OPHN1: variants seen among roughly 807,000 people sequenced by gnomAD.
OPHN1 encodes oligophrenin 1, also known as oligophrenin-1.
A neutral mutation model predicts 60.7 loss-of-function variants in OPHN1; 11 were observed. The observed-to-expected ratio is 0.18, with a 90% confidence interval of 0.11 to 0.30. The LOEUF (loss-of-function observed/expected upper bound fraction) is 0.30. OPHN1 is among the 10% of genes least tolerant of loss of function. OPHN1 has a pLI of 1.00. For missense variants in OPHN1, 449 were observed against 611.0 expected (o/e 0.73, Z 2.80); for synonymous variants, 226 against 222.6 (o/e 1.02, Z -0.14).
At chrX:68,259,423 C>G (rs914517239) in intron 5 of OPHN1, among the ~76,000 whole-genome samples, 2 of 110,500 alleles carry the variant, frequency 1.8e-5, no homozygotes, top group Admixed American at 1.9e-4. Context: ...TGTACTCCAC[C>G]CTGGGCAACA....
intron 2 of OPHN1, among the ~76,000 whole-genome samples, chrX:68,390,248 T>G (rs1323271652): frequency 9.0e-6 from 1 of 111,357 alleles, no homozygotes; most frequent in East Asian, 2.8e-4. Flanking sequence ...CGTAAAGCAC[T>G]TAAACGATTA....
At chrX:68,380,080 TATTGATA>T (rs1380295831) in intron 2 of OPHN1, among the ~76,000 whole-genome samples, 2 of 111,741 alleles carry the variant, frequency 1.8e-5, no homozygotes, top group Admixed American at 1.9e-4. Flanking sequence ...GTTGGTAAGC[TATTGATA>T]ATTGCCACAA....
intron 5 of OPHN1, among the ~76,000 whole-genome samples, chrX:68,260,270 C>T (rs1258635248): frequency 9.1e-6 from 1 of 109,831 alleles, no homozygotes; most frequent in African/African-American, 3.3e-5. Context: ...GGTAATCTTT[C>T]GTGACTGTTT....
chrX:68,249,548 C>T (rs910464220), intron 5 of OPHN1, among the ~76,000 whole-genome samples: 1 of 111,923 alleles, frequency 8.9e-6, no homozygotes, highest in African/African-American at 3.2e-5. Context: ...AAAACATTGG[C>T]TCTGGATCAG....
At chrX:68,290,202 A>T (rs377223325) in intron 3 of OPHN1, among the ~76,000 whole-genome samples, 3 of 111,677 alleles carry the variant, frequency 2.7e-5, no homozygotes, top group African/African-American at 9.8e-5. Context: ...GCTCATGCCT[A>T]TAATCCCTTC....
chrX:68,261,689 T>C (rs189464889), intron 5 of OPHN1, among the ~76,000 whole-genome samples: 1 of 110,200 alleles, frequency 9.1e-6, no homozygotes, highest in African/African-American at 3.3e-5. Context: ...AGAGAAGAAA[T>C]TAGGAAAAAG....
chrX:68,282,268 T>C (rs2078022844), intron 4 of OPHN1, among the ~76,000 whole-genome samples: 1 of 112,117 alleles, frequency 8.9e-6, no homozygotes, highest in Non-Finnish European at 1.9e-5. Flanking sequence ...AAAATGCATA[T>C]TGCTAAGTCA....
intron 3 of OPHN1, among the ~76,000 whole-genome samples, chrX:68,295,341 T>C (rs948060294): frequency 1.8e-5 from 2 of 112,371 alleles, no homozygotes; most frequent in African/African-American, 6.5e-5. Flanking sequence ...CAATGAATTA[T>C]TGAGCACCAA....
intron 15 of OPHN1, among the ~76,000 whole-genome samples, chrX:68,167,618 T>G (rs1301991354): frequency 9.1e-6 from 1 of 110,175 alleles, no homozygotes; most frequent in Non-Finnish European, 1.9e-5. Flanking sequence ...TCTGTATACA[T>G]GCGCGCATGC....
chrX:68,304,865 G>A (rs899332986), intron 2 of OPHN1, among the ~76,000 whole-genome samples: 3 of 110,699 alleles, frequency 2.7e-5, no homozygotes, highest in Admixed American at 9.7e-5. Context: ...ATTGCCATCC[G>A]GTTTAATATG....
At chrX:68,134,213 A>C (rs1368616780) in intron 15 of OPHN1, among the ~76,000 whole-genome samples, 1 of 111,417 alleles carries the variant, frequency 9.0e-6, no homozygotes, top group Non-Finnish European at 1.9e-5. Flanking sequence ...AAACAAAAAA[A>C]AAATTGCTTG....
chrX:68,208,754 T>TC (rs766043822), intron 9 of OPHN1, among the ~76,000 whole-genome samples: 1 of 111,987 alleles, frequency 8.9e-6, no homozygotes, highest in African/African-American at 3.2e-5. Context: ...TAATTTGGCC[T>TC]CCCAGGGGAC....
chrX:68,419,321 TG>T (rs1413153891), intron 2 of OPHN1, among the ~76,000 whole-genome samples: 1 of 109,167 alleles, frequency 9.2e-6, no homozygotes, highest in Non-Finnish European at 1.9e-5. Context: ...TCTGCTAGCG[TG>T]GCCATCCAAT....
Position 68,433,290 on chromosome X carries a change from G to A in OPHN1, c.-127C>T. On this transcript the variant is annotated 5_prime_UTR_variant, in exon 1 of 25. Transcript: ENST00000355520. ...TCGGATCCCGGCAGGGTGCTGCCTA[G>A]CAAGCAGCATGTCCCTTAGGCATCG... is the stretch of plus-strand genomic sequence containing the variant. 5.5e-6 allele frequency: 2 copies of A among 364,739 alleles called. No homozygotes were observed. Among genetic ancestry groups the A allele is most frequent in the South Asian group, 1.4e-4 (2 of 14,525 alleles). The allele number at this position is 364,739 out of a possible 1,213,427, so 30.1% of individuals were successfully genotyped here. A position where few individuals can be genotyped will look rare whatever the true frequency, so the allele number is the denominator to read the frequency against.
intron 2 of OPHN1, among the ~76,000 whole-genome samples, chrX:68,333,167 G>A (rs2147679023): frequency 9.1e-6 from 1 of 109,812 alleles, no homozygotes; most frequent in African/African-American, 3.3e-5. Flanking sequence ...GGTGGTTCAT[G>A]CCTGTAATCT....
chrX:68,168,159 G>A (rs1166875486), intron 15 of OPHN1, among the ~76,000 whole-genome samples: 1 of 110,630 alleles, frequency 9.0e-6, no homozygotes, highest in Non-Finnish European at 1.9e-5. Context: ...GGACCTAATA[G>A]ACATCTACAG....
chrX:68,289,372 T>C (rs1378315468), intron 3 of OPHN1, among the ~76,000 whole-genome samples: 3 of 112,447 alleles, frequency 2.7e-5, no homozygotes, highest in East Asian at 5.5e-4. Context: ...TCAAGTGTTT[T>C]ATTATTCATC....
In OPHN1 at chrX:68,053,848, G is replaced by A. The variant is rs377516392; in HGVS notation, c.2159-38C>T. On this transcript the variant is annotated intron_variant, in intron 21 of 24. Coordinates refer to ENST00000355520, the MANE Select transcript of OPHN1 (RefSeq NM_002547.3). ...ATGATACCAGGAACTTGGATGGTTAGCCAAACAGAACACTACTCATGAGCA... is the reference window on the plus strand; with the variant it reads ...ATGATACCAGGAACTTGGATGGTTAACCAAACAGAACACTACTCATGAGCA... The A allele has an allele frequency of 2.9e-3, 3,432 of 1,188,799 alleles. 5 individuals carry two copies. The highest frequency in any genetic ancestry group is 3.7e-3 in the Non-Finnish European group (3,225 of 882,257).
intron 3 of OPHN1, among the ~76,000 whole-genome samples, chrX:68,298,218 T>A (rs1474959251): frequency 9.0e-6 from 1 of 111,604 alleles, no homozygotes; most frequent in Non-Finnish European, 1.9e-5. Context: ...ATTTTAGGCT[T>A]TGAGGACCAT....
Sources: allele counts gnomAD v4.1 joint callset (sites outside exome capture counted in the v4.1 genomes callset), GRCh38; gene constraint gnomAD v4.1.1; transcripts MANE v1.5; gene names NCBI Gene and HGNC (gene_info 2026-07-23, HGNC 2026-07-21).